Variants in CSMD1 observed in about 807,000 individuals in gnomAD.
CSMD1 encodes CUB and Sushi multiple domains 1, also known as CUB and sushi domain-containing protein 1.
A neutral mutation model predicts 417.5 loss-of-function variants in CSMD1; 213 were observed. The observed-to-expected ratio is 0.51, with a 90% CI of 0.46 to 0.57. The LOEUF (loss-of-function observed/expected upper bound fraction) is 0.57, where lower values mean the gene tolerates loss of function less well. Among genes scored for constraint, CSMD1 ranks in the 20% least tolerant of loss-of-function variants. The probability of loss-of-function intolerance (pLI) is 0.00; values close to 1 mark genes in which losing one functional copy is unlikely to be tolerated. For missense variants in CSMD1, 6,923 were observed against 4,529.7 expected (o/e 1.53, Z -15.17); for synonymous variants, 2,862 against 1,736.8 (o/e 1.65, Z -16.11).
At chr8:3,012,478 T>C (rs1808468640) in intron 52 of CSMD1, among the ~76,000 whole-genome samples, 1 of 152,194 alleles carries the variant, frequency 6.6e-6, no homozygotes, top group African/African-American at 2.4e-5. Flanking sequence ...ATGAGTCATG[T>C]TGCGATGAAA....
At chr8:3,956,838 G>A (rs772267986) in intron 5 of CSMD1, among the ~76,000 whole-genome samples, 1 of 152,112 alleles carries the variant, frequency 6.6e-6, no homozygotes, top group African/African-American at 2.4e-5. Context: ...AGAGAATGTT[G>A]GTGGCTCTTC....
chr8:3,514,113 G>A (rs1274922987), intron 10 of CSMD1, among the ~76,000 whole-genome samples: 2 of 152,058 alleles, frequency 1.3e-5, no homozygotes, highest in African/African-American at 4.8e-5. Context: ...TTGGCAGATA[G>A]GAGGCTCAAA....
chr8:3,838,591 T>C (rs1478833037), intron 5 of CSMD1, among the ~76,000 whole-genome samples: 15 of 137,984 alleles, frequency 1.1e-4, no homozygotes, highest in African/African-American at 3.6e-4. Flanking sequence ...CTATAGTCCC[T>C]CTCTATATAA....
intron 1 of CSMD1, among the ~76,000 whole-genome samples, chr8:4,769,695 T>C (rs1796507624): frequency 6.6e-6 from 1 of 152,152 alleles, no homozygotes; most frequent in African/African-American, 2.4e-5. Context: ...TGCACGTCAG[T>C]TGCATAGGAG....
chr8:4,274,525 A>T (rs1243726891), intron 3 of CSMD1, among the ~76,000 whole-genome samples: 1 of 152,164 alleles, frequency 6.6e-6, no homozygotes, highest in Non-Finnish European at 1.5e-5. Context: ...TGTTTAGTCC[A>T]CAAATTATAG....
chr8:4,113,781 A>G (rs932717177), intron 3 of CSMD1, among the ~76,000 whole-genome samples: 17 of 152,188 alleles, frequency 1.1e-4, no homozygotes, highest in African/African-American at 3.9e-4. Context: ...TTTTCAAGTT[A>G]TCTGCATAAA....
intron 2 of CSMD1, among the ~76,000 whole-genome samples, chr8:4,517,642 A>G (rs1275568132): frequency 1.3e-5 from 2 of 152,262 alleles, no homozygotes; most frequent in East Asian, 3.8e-4. Context: ...AGAGCCACGA[A>G]GTTATTCAAA....
rs184031723 is a variant in CSMD1, at chr8:4,144,164, G to A, written c.416-112065C>T. On this transcript the variant is annotated intron_variant, in intron 3 of 69. Transcript: ENST00000635120. Reference sequence around the variant, plus strand: ...ATGTTTCCCTTCTGATACAGCTTTGGGAAGACAGCACGAATTGGCCTTAGA... The same window carrying A: ...ATGTTTCCCTTCTGATACAGCTTTGAGAAGACAGCACGAATTGGCCTTAGA... 7.9e-5 allele frequency among the ~76,000 whole-genome samples: 12 copies of A among 151,000 alleles called. No individual in the cohort carries two copies. The East Asian group carries it at 2.3e-3, about 29-fold the overall frequency.
chr8:2,943,613 G>A (rs983492004), intron 68 of CSMD1, among the ~76,000 whole-genome samples: 2 of 152,216 alleles, frequency 1.3e-5, no homozygotes, highest in African/African-American at 4.8e-5. Flanking sequence ...CCAGGACTAT[G>A]GAGTGTCTCA....
chr8:2,978,377 C>A (rs1256147037), intron 55 of CSMD1, among the ~76,000 whole-genome samples: 1 of 152,122 alleles, frequency 6.6e-6, no homozygotes, highest in East Asian at 1.9e-4. Context: ...CATCCAATAA[C>A]CTGGGTCATT....
At chr8:3,721,029 G>C (rs749088449) in intron 6 of CSMD1, among the ~76,000 whole-genome samples, 13 of 152,082 alleles carry the variant, frequency 8.5e-5, no homozygotes, top group Admixed American at 7.2e-4. Flanking sequence ...CACCATGTTA[G>C]TCACGCTGGT....
At chr8:3,976,713 TCCA>T in intron 5 of CSMD1, among the ~76,000 whole-genome samples, 1 of 152,292 alleles carries the variant, frequency 6.6e-6, no homozygotes, top group Non-Finnish European at 1.5e-5. Flanking sequence ...CCTTTTAATC[TCCA>T]CAAGAACCCT....
chr8:3,602,665 G>A (rs1014077160), intron 8 of CSMD1, among the ~76,000 whole-genome samples: 1 of 150,578 alleles, frequency 6.6e-6, no homozygotes, highest in African/African-American at 2.4e-5. Context: ...TCTAATGTAT[G>A]GAAGAAATAA....
At chr8:4,683,690 C>A (rs567992607) in intron 1 of CSMD1, among the ~76,000 whole-genome samples, 1 of 152,204 alleles carries the variant, frequency 6.6e-6, no homozygotes, top group East Asian at 1.9e-4. Flanking sequence ...GGCTCTGTTT[C>A]CTTGGGGTCC....
intron 2 of CSMD1, among the ~76,000 whole-genome samples, chr8:4,441,229 G>C (rs890973269): frequency 1.4e-5 from 2 of 141,346 alleles, no homozygotes; most frequent in Non-Finnish European, 3.0e-5. Flanking sequence ...CTCTTGAGTA[G>C]CTGGAACTAC....
chr8:4,164,531 G>C (rs748110868), intron 3 of CSMD1, among the ~76,000 whole-genome samples: 3 of 152,046 alleles, frequency 2.0e-5, no homozygotes, highest in East Asian at 1.9e-4. Context: ...CGTAAATCTA[G>C]ATATAAGCTG....
chr8:4,904,584 G>C (rs1164750781), intron 1 of CSMD1, among the ~76,000 whole-genome samples: 2 of 152,024 alleles, frequency 1.3e-5, no homozygotes, highest in South Asian at 2.1e-4. Context: ...CACATATAGT[G>C]AATATCATTA....
chr8:4,031,754 T>C (rs1363589141), intron 4 of CSMD1, 151 bp downstream of exon 4: 1 of 538,728 alleles, frequency 1.9e-6, no homozygotes, highest in East Asian at 2.9e-5. Context: ...TAATAACATG[T>C]AATATTGCTT....
intron 2 of CSMD1, among the ~76,000 whole-genome samples, chr8:4,457,392 G>A (rs976005506): frequency 6.6e-6 from 1 of 152,130 alleles, no homozygotes; most frequent in African/African-American, 2.4e-5. Flanking sequence ...GTCTGGAACA[G>A]GAAGGGAATG....
Sources: allele counts gnomAD v4.1 joint callset (sites outside exome capture counted in the v4.1 genomes callset), GRCh38; gene constraint gnomAD v4.1.1; transcripts MANE v1.5; gene names NCBI Gene and HGNC (gene_info 2026-07-23, HGNC 2026-07-21).